Variants in HCRTR2 observed in about 807,000 individuals in gnomAD.
HCRTR2 encodes orexin receptor type 2.
In HCRTR2, 22 loss-of-function variants were observed where a neutral mutation model predicts 49.0. The observed-to-expected ratio is 0.45, with a 90% CI of 0.32 to 0.64. HCRTR2 has a LOEUF of 0.64. HCRTR2 is among the 30% of genes least tolerant of loss of function. The probability of loss-of-function intolerance (pLI) is 0.04; values close to 1 mark genes in which losing one functional copy is unlikely to be tolerated. For missense variants in HCRTR2, 491 were observed against 559.4 expected (o/e 0.88, Z 1.23); for synonymous variants, 236 against 205.3 (o/e 1.15, Z -1.28).
intron 1 of HCRTR2, among the ~76,000 whole-genome samples, chr6:55,226,431 C>A (rs1219708663): frequency 6.6e-6 from 1 of 152,166 alleles, no homozygotes; most frequent in African/African-American, 2.4e-5. Context: ...GCCTCATCCT[C>A]CCCAGTACCT....
chr6:55,229,454 T>A lies in HCRTR2; in HGVS notation c.224-19185T>A, dbSNP rs189350881. 1.2e-4 allele frequency among the ~76,000 whole-genome samples: 19 copies of A among 152,338 alleles called. No individual in the cohort carries two copies. In the East Asian group the frequency reaches 3.7e-3, roughly 29 times the overall value. On this transcript the variant is annotated intron_variant, in intron 1 of 6. Coordinates refer to ENST00000370862, the MANE Select transcript of HCRTR2 (RefSeq NM_001384272.1). Reference sequence around the variant, plus strand: ...TTGAAGAGATATCTGCACTCTCACATTCATTGCAGTAGTCTTCACAAAACA... The same window carrying A: ...TTGAAGAGATATCTGCACTCTCACAATCATTGCAGTAGTCTTCACAAAACA...
chr6:55,114,850 C>T (rs1764094863), intron 1 of HCRTR2, among the ~76,000 whole-genome samples: 1 of 151,674 alleles, frequency 6.6e-6, no homozygotes, highest in East Asian at 1.9e-4. Flanking sequence ...AAGATACTTA[C>T]CCTAATCAGA....
rs376678530 is a variant in HCRTR2 at position 55,163,097 on chromosome 6, G to T, written c.-377-11114G>T. Among the ~76,000 whole-genome samples, 162 of 152,048 alleles carry T rather than the reference G, an allele frequency of 1.1e-3. 1 individual carries two copies. Among genetic ancestry groups the T allele is most frequent in the African/African-American group, 3.8e-3 (159 of 41,480 alleles). ...TAAAAATACAAAAAATTAGCCGGGC[G>T]TGGTGGCAGGCGCCTGTAGTCCCAG... is the stretch of plus-strand genomic sequence containing the variant. On this transcript the variant is annotated intron_variant, in intron 1 of 7. Transcript: ENST00000615358.
chr6:55,189,351 GA>G (rs1220711643), intron 1 of HCRTR2, among the ~76,000 whole-genome samples: 1 of 152,098 alleles, frequency 6.6e-6, no homozygotes, highest in African/African-American at 2.4e-5. Flanking sequence ...CAGTTGTTGT[GA>G]GAATGAAGTT....
At chr6:55,237,987 C>T (rs1405670950) in intron 1 of HCRTR2, among the ~76,000 whole-genome samples, 1 of 152,110 alleles carries the variant, frequency 6.6e-6, no homozygotes, top group Non-Finnish European at 1.5e-5. Flanking sequence ...AAGCTTTAAT[C>T]ACAATTTCTA....
intron 1 of HCRTR2, among the ~76,000 whole-genome samples, chr6:55,143,047 C>T (rs1053128908): frequency 2.7e-5 from 4 of 149,952 alleles, no homozygotes; most frequent in African/African-American, 7.4e-5. Context: ...TTATGTGAAA[C>T]ATTATATATA....
chr6:55,113,501 C>A (rs1231156301), intron 1 of HCRTR2, among the ~76,000 whole-genome samples: 1 of 151,808 alleles, frequency 6.6e-6, no homozygotes, highest in Non-Finnish European at 1.5e-5. Flanking sequence ...AAAGAAGATA[C>A]ACAAATGGCC....
intron 4 of HCRTR2, among the ~76,000 whole-genome samples, chr6:55,277,057 T>C (rs1165993733): frequency 6.6e-6 from 1 of 152,202 alleles, no homozygotes; most frequent in African/African-American, 2.4e-5. Flanking sequence ...TAAGATAATA[T>C]GGCTGACATC....
At chr6:55,275,029 G>A (rs955891351) in intron 4 of HCRTR2, among the ~76,000 whole-genome samples, 2 of 152,086 alleles carry the variant, frequency 1.3e-5, no homozygotes, top group Non-Finnish European at 2.9e-5. Flanking sequence ...TCTTTCAAGG[G>A]CTTTGTCCAT....
At chr6:55,262,520 TTATATATAA>T (rs1469786574) in intron 3 of HCRTR2, among the ~76,000 whole-genome samples, 2 of 131,312 alleles carry the variant, frequency 1.5e-5, no homozygotes, top group Admixed American at 8.7e-5. Flanking sequence ...AACTTATATA[TTATATATAA>T]TATATATAAT....
intron 2 of HCRTR2, among the ~76,000 whole-genome samples, chr6:55,252,597 G>C (rs1365291057): frequency 6.6e-6 from 1 of 152,074 alleles, no homozygotes; most frequent in Non-Finnish European, 1.5e-5. Context: ...GGAGGTTGTA[G>C]AGAATAAGGT....
chr6:55,145,326 C>G (rs528687255), intron 1 of HCRTR2, among the ~76,000 whole-genome samples: 12 of 152,200 alleles, frequency 7.9e-5, no homozygotes, highest in Admixed American at 2.6e-4. Flanking sequence ...TCTACTCATT[C>G]CACGTATCCA....
chr6:55,216,539 G>T (rs958598346), intron 1 of HCRTR2, among the ~76,000 whole-genome samples: 4 of 152,182 alleles, frequency 2.6e-5, no homozygotes, highest in African/African-American at 7.2e-5. Context: ...AGAAGAAGGG[G>T]TTAATGGTCC....
chr6:55,126,521 G>C (rs1764280613), intron 1 of HCRTR2, among the ~76,000 whole-genome samples: 1 of 152,194 alleles, frequency 6.6e-6, no homozygotes. Flanking sequence ...GAGCTCTCCT[G>C]TATGAGGTGT....
chr6:55,183,168 G>A (rs1440608486), intron 1 of HCRTR2, among the ~76,000 whole-genome samples: 1 of 152,174 alleles, frequency 6.6e-6, no homozygotes, highest in African/African-American at 2.4e-5. Context: ...AAATAACGTG[G>A]TAAGTGCTAC....
chr6:55,223,987 T>G (rs1269811657), intron 1 of HCRTR2, among the ~76,000 whole-genome samples: 2 of 152,210 alleles, frequency 1.3e-5, no homozygotes, highest in African/African-American at 4.8e-5. Flanking sequence ...TGGGTGAATT[T>G]CCCAAAATTC....
Position 55,282,217 on chromosome 6 carries a change from T to C in HCRTR2, c.1106-8T>C. 2.5e-6 allele frequency: 4 copies of C among 1,600,212 alleles called. No homozygotes were observed. Among genetic ancestry groups the C allele is most frequent in the Non-Finnish European group, 3.4e-6 (4 of 1,167,998 alleles). On this transcript the variant is annotated splice_polypyrimidine_tract_variant and splice_region_variant and intron_variant, in intron 6 of 6. Coordinates refer to ENST00000370862, the MANE Select transcript of HCRTR2 (RefSeq NM_001384272.1). ...ATTCCTTTTCCTTTCATTCTCTCTG[T>C]TTGCCAGGAAAATTTCGAGAGGAAT...
At chr6:55,277,302 T>C in intron 4 of HCRTR2, 78 bp from the exon 5 acceptor site, 1 of 1,217,766 alleles carries the variant, frequency 8.2e-7, no homozygotes, top group Non-Finnish European at 1.2e-6. Context: ...CTTTCCTTAC[T>C]GTGTTTTCTA....
intron 3 of HCRTR2, among the ~76,000 whole-genome samples, chr6:55,259,037 C>G (rs1273746593): frequency 2.0e-5 from 3 of 152,114 alleles, no homozygotes; most frequent in East Asian, 3.9e-4. Flanking sequence ...GGCAAAAGAG[C>G]AAGACACCAT....
Sources: gnomAD v4.1 joint callset for allele counts (sites outside exome capture counted in the v4.1 genomes callset) on GRCh38, gnomAD v4.1.1 for gene constraint, MANE v1.5 for transcripts, NCBI Gene and HGNC (gene_info 2026-07-23, HGNC 2026-07-21) for gene names.